The following LARGE1 variants were observed in gnomAD, a reference collection of about 807,000 sequenced individuals.
The protein encoded by LARGE1 is LARGE xylosyl- and glucuronyltransferase 1, also known as xylosyl- and glucuronyltransferase LARGE1.
Under a neutral mutation model 87.6 loss-of-function variants are expected in LARGE1, and 43 were observed. The observed-to-expected ratio is 0.49, with a 90% confidence interval of 0.38 to 0.63. The LOEUF (loss-of-function observed/expected upper bound fraction) is 0.63, where lower values mean the gene tolerates loss of function less well. Ranked by LOEUF, LARGE1 falls within the 30% of genes least tolerant of loss-of-function variation. The probability of loss-of-function intolerance (pLI) is 0.00; values close to 1 mark genes in which losing one functional copy is unlikely to be tolerated. For missense variants in LARGE1, 802 were observed against 1,000.2 expected (o/e 0.80, Z 2.67); for synonymous variants, 434 against 394.6 (o/e 1.10, Z -1.18).
chr22:33,885,433 C>T (rs2064817147), intron 1 of LARGE1, among the ~76,000 whole-genome samples: 1 of 152,142 alleles, frequency 6.6e-6, no homozygotes, highest in Non-Finnish European at 1.5e-5. Context: ...AAGTTCACAC[C>T]AATCCCCCTA....
chr22:33,884,725 T>C (rs1455643622), intron 1 of LARGE1, among the ~76,000 whole-genome samples: 1 of 152,212 alleles, frequency 6.6e-6, no homozygotes, highest in Non-Finnish European at 1.5e-5. Context: ...AATCACCCTC[T>C]TAGTGGCATG....
intron 7 of LARGE1, among the ~76,000 whole-genome samples, chr22:33,426,949 AC>A (rs1293068817): frequency 6.6e-6 from 1 of 152,176 alleles, no homozygotes. Flanking sequence ...CTATCTGCAA[AC>A]ATGCCATCTT....
At chr22:33,584,722 T>G (rs1427655184) in intron 5 of LARGE1, among the ~76,000 whole-genome samples, 2 of 151,758 alleles carry the variant, frequency 1.3e-5, no homozygotes, top group Non-Finnish European at 2.9e-5. Flanking sequence ...CATCTTAATC[T>G]TGAAGGAAGC....
At chr22:33,287,492 T>C (rs1394642951) in intron 12 of LARGE1, among the ~76,000 whole-genome samples, 1 of 152,232 alleles carries the variant, frequency 6.6e-6, no homozygotes. Flanking sequence ...TCAATACCGA[T>C]GTCCTGAAAG....
intron 6 of LARGE1, among the ~76,000 whole-genome samples, chr22:33,471,027 TTC>T (rs1410995435): frequency 1.4e-5 from 2 of 138,922 alleles, no homozygotes; most frequent in Non-Finnish European, 1.5e-5. Context: ...TTTCTTCTTC[TTC>T]TTTTTTTTTT....
Position 33,255,210 on chromosome 22 carries a change from A to T in LARGE1, c.1730+49019T>A, listed in dbSNP as rs553734313. Among the ~76,000 whole-genome samples, 295 of 152,272 alleles carry T rather than the reference A, an allele frequency of 1.9e-3. 2 individuals carry two copies. The highest frequency in any genetic ancestry group is 6.9e-3 in the African/African-American group (286 of 41,568). On this transcript the variant is annotated intron_variant, in intron 11 of 11. Coordinates refer to the LARGE1 transcript ENST00000608642. The stretch of plus-strand genomic sequence containing the variant: ...GCCTCGGCCTCCCAAAGCGCTGGGA[A>T]TACAGGCGTGAGCCACCGTGCCTGG...
rs879458081 is a variant in LARGE1, at chr22:33,920,091, T to A, written c.-179A>T. 2.0e-5 allele frequency: 3 copies of A among 151,064 alleles called. No homozygotes were observed. The highest frequency in any genetic ancestry group is 2.9e-5 in the Non-Finnish European group (2 of 67,806). The allele number at this position is 151,064 out of a possible 1,614,324, so 9.4% of individuals were successfully genotyped here. A position where few individuals can be genotyped will look rare whatever the true frequency, so the allele number is the denominator to read the frequency against. ...GAGGCGCAGGGGGTCCGGGTCAGGGTCCCGGCAGGCGCTGCCCTACTCGGA... is the reference window on the plus strand; with the variant it reads ...GAGGCGCAGGGGGTCCGGGTCAGGGACCCGGCAGGCGCTGCCCTACTCGGA... On this transcript the variant is annotated 5_prime_UTR_variant, in exon 1 of 15. Coordinates refer to ENST00000397394, the MANE Select transcript of LARGE1 (RefSeq NM_133642.5).
At chr22:33,468,844 C>A (rs978538150) in intron 6 of LARGE1, among the ~76,000 whole-genome samples, 4 of 152,132 alleles carry the variant, frequency 2.6e-5, no homozygotes, top group African/African-American at 9.7e-5. Context: ...GAATCTCCCC[C>A]CTATATTCCA....
intron 6 of LARGE1, among the ~76,000 whole-genome samples, chr22:33,515,463 G>A (rs921397316): frequency 6.6e-6 from 1 of 152,112 alleles, no homozygotes; most frequent in Non-Finnish European, 1.5e-5. Context: ...GCCTGTTAGC[G>A]TACCTGACAC....
chr22:33,350,550 C>G (rs1291409718), intron 9 of LARGE1, among the ~76,000 whole-genome samples: 8 of 152,078 alleles, frequency 5.3e-5, no homozygotes, highest in African/African-American at 1.9e-4. Context: ...GGAATTTGAC[C>G]AAGGTGGGTG....
At chr22:33,073,926 T>A in the LARGE1 span, among the ~76,000 whole-genome samples, 1 of 152,160 alleles carries the variant, frequency 6.6e-6, no homozygotes, top group African/African-American at 2.4e-5. Context: ...AATCCTCCCA[T>A]GGCAGCATGA....
Position 33,337,689 on chromosome 22 carries a change from T to A in LARGE1, c.1244A>T (p.Glu415Val). ...AGCCTCACTGGGGCAGCCAAACAGT[T>A]CCCGCCTCAGAAGATTGCCGTCATA... ...LEYDGNLLRR[E>V]LFGCPSEADV... Residue 415 changes from glutamate (E) to valine (V), a missense_variant, in exon 10 of 15, where the codon GAA becomes GTA. Physicochemically the swap from Glu to Val is moderately radical, Grantham distance 121 (BLOSUM62 -2). This residue lies in a region of LARGE1 where 625 missense variants were observed against 841.9 expected (regional missense o/e 0.74). Coordinates refer to ENST00000397394, the MANE Select transcript of LARGE1 (RefSeq NM_133642.5). 1 of 1,613,984 alleles carries A rather than the reference T, an allele frequency of 6.2e-7. No individual in the cohort carries two copies. Among genetic ancestry groups the A allele is most frequent in the Non-Finnish European group, 8.5e-7 (1 of 1,180,002 alleles).
intron 1 of LARGE1, among the ~76,000 whole-genome samples, chr22:33,907,134 T>A (rs1453624780): frequency 6.6e-6 from 1 of 152,188 alleles, no homozygotes; most frequent in Non-Finnish European, 1.5e-5. Flanking sequence ...TGCAAGTTCA[T>A]AAAGTTTTGC....
rs1456889784 is a variant in LARGE1, at chr22:33,166,523, T to C, written c.*240A>G. 4 of 332,732 alleles carry C rather than the reference T, an allele frequency of 1.2e-5. No homozygotes were observed. The East Asian group carries it at 3.2e-4, about 27-fold the overall frequency. The allele number at this position is 332,732 out of a possible 1,614,324, so 20.6% of individuals were successfully genotyped here. On this transcript the variant is annotated 3_prime_UTR_variant, in exon 12 of 12. Coordinates refer to the LARGE1 transcript ENST00000608642. ...CCACTTCAATGTTACCACGGGGATG[T>C]TCACCTGGCATGTACCACTTCAATC...
At chr22:33,828,308 T>C (rs11089633) in intron 1 of LARGE1, among the ~76,000 whole-genome samples, 35,563 of 152,130 alleles carry the variant, frequency 0.23, 4,361 homozygotes, top group Admixed American at 0.37. Flanking sequence ...TGGGAGTTCT[T>C]AAAGAATCCA....
chr22:33,099,064 T>G, the LARGE1 span, among the ~76,000 whole-genome samples: 2 of 152,292 alleles, frequency 1.3e-5, 1 homozygote, highest in Middle Eastern at 6.8e-3. Flanking sequence ...TCCCATGTGT[T>G]AATCAACTCT....
the LARGE1 span, among the ~76,000 whole-genome samples, chr22:33,099,394 CA>C: frequency 6.6e-6 from 1 of 152,120 alleles, no homozygotes; most frequent in Non-Finnish European, 1.5e-5. Context: ...GCTGGGATTA[CA>C]GACATGCGCC....
chr22:33,423,515 A>T (rs1188001362), intron 7 of LARGE1, among the ~76,000 whole-genome samples: 11 of 151,106 alleles, frequency 7.3e-5, no homozygotes, highest in African/African-American at 2.4e-4. Context: ...CGTCTCTATT[A>T]AAAAAAATAC....
intron 6 of LARGE1, among the ~76,000 whole-genome samples, chr22:33,507,698 AC>A (rs1436367596): frequency 6.6e-6 from 1 of 152,242 alleles, no homozygotes; most frequent in Non-Finnish European, 1.5e-5. Flanking sequence ...TAAAATGGTT[AC>A]AATGGTAAAA....
Sources: gnomAD v4.1 joint callset for allele counts (sites outside exome capture counted in the v4.1 genomes callset) on GRCh38, gnomAD v4.1.1 for gene constraint, gnomAD v4.1.1 regional missense constraint, MANE v1.5 for transcripts, NCBI Gene and HGNC (gene_info 2026-07-23, HGNC 2026-07-21) for gene names.